Variants in SFMBT1 observed in about 807,000 individuals in gnomAD.
SFMBT1 encodes scm-like with four MBT domains protein 1.
SFMBT1 carries 32 observed loss-of-function variants against 108.7 expected under a neutral mutation model. That is an observed-to-expected ratio of 0.29 (90% CI 0.22 to 0.40). The LOEUF (loss-of-function observed/expected upper bound fraction) is 0.40. SFMBT1 is among the 10% of genes least tolerant of loss of function. The pLI is 1.00. For synonymous variants in SFMBT1, 348 were observed against 369.5 expected (o/e 0.94, Z 0.67); for missense variants, 816 against 1,059.6 (o/e 0.77, Z 3.19).
intron 6 of SFMBT1, among the ~76,000 whole-genome samples, chr3:52,931,732 G>A (rs2106796445): frequency 6.6e-6 from 1 of 152,022 alleles, no homozygotes; most frequent in Non-Finnish European, 1.5e-5. Context: ...CCTAGCTACT[G>A]GGGAGGCTGA....
intron 1 of SFMBT1, among the ~76,000 whole-genome samples, chr3:52,983,393 G>C (rs1466290393): frequency 6.6e-6 from 1 of 152,158 alleles, no homozygotes; most frequent in East Asian, 1.9e-4. Flanking sequence ...ATTGTGGTAA[G>C]GCTTCTGGTC....
intron 4 of SFMBT1, 98 bp downstream of exon 4, chr3:52,943,255 C>T: frequency 6.9e-7 from 1 of 1,455,318 alleles, no homozygotes; most frequent in Non-Finnish European, 9.4e-7. Context: ...GCTGGGTAAA[C>T]CTATATGCTC....
At chr3:52,923,196 C>T (rs1702566801) in intron 10 of SFMBT1, among the ~76,000 whole-genome samples, 1 of 152,130 alleles carries the variant, frequency 6.6e-6, no homozygotes, top group Non-Finnish European at 1.5e-5. Context: ...AAGAAAACTT[C>T]CCAAAAGGTG....
At chr3:53,020,828 G>A (rs145796283) in intron 1 of SFMBT1, among the ~76,000 whole-genome samples, 5 of 152,122 alleles carry the variant, frequency 3.3e-5, no homozygotes, top group Admixed American at 6.5e-5. Context: ...AGGCTTAGGC[G>A]GGCGGATCAC....
intron 1 of SFMBT1, among the ~76,000 whole-genome samples, chr3:52,970,087 C>A (rs1048891898): frequency 6.0e-5 from 9 of 151,230 alleles, no homozygotes; most frequent in Non-Finnish European, 1.3e-4. Context: ...GGTGACACAG[C>A]CAGACACTGT....
At chr3:53,018,565 C>T (rs1226487148) in intron 1 of SFMBT1, among the ~76,000 whole-genome samples, 1 of 152,144 alleles carries the variant, frequency 6.6e-6, no homozygotes, top group African/African-American at 2.4e-5. Context: ...CCCTTTGTGC[C>T]CTCCAAGCAC....
At chr3:52,913,727 T>A in intron 14 of SFMBT1, 110 bp from the exon 15 acceptor site, 6 of 1,182,678 alleles carry the variant, frequency 5.1e-6, no homozygotes, top group Non-Finnish European at 7.0e-6. Flanking sequence ...TATATTAATA[T>A]AAAGTTTGGA....
chr3:52,960,391 G>C (rs936173132), intron 2 of SFMBT1, among the ~76,000 whole-genome samples: 1 of 152,088 alleles, frequency 6.6e-6, no homozygotes, highest in African/African-American at 2.4e-5. Context: ...TGCATGAAAA[G>C]ATGTTCAACA....
intron 1 of SFMBT1, among the ~76,000 whole-genome samples, chr3:52,976,573 T>C (rs537719612): frequency 1.6e-4 from 25 of 152,258 alleles, no homozygotes; most frequent in African/African-American, 5.5e-4. Context: ...TGGAATAGCA[T>C]AGATTTCCTT....
intron 1 of SFMBT1, among the ~76,000 whole-genome samples, chr3:53,011,829 A>G (rs1698955014): frequency 2.0e-5 from 3 of 152,238 alleles, no homozygotes; most frequent in Non-Finnish European, 2.9e-5. Flanking sequence ...TGGCCACCCA[A>G]GTGAAGAAGT....
Position 52,906,051 on chromosome 3 carries a change from T to A in SFMBT1, c.2460+62A>T, listed in dbSNP as rs1702056485. 5 of 1,554,760 alleles carry A rather than the reference T, an allele frequency of 3.2e-6. No homozygotes were observed. In the East Asian group the frequency reaches 1.1e-4, roughly 35 times the overall value. On this transcript the variant is annotated intron_variant, in intron 20 of 20. Coordinates refer to ENST00000394752, the MANE Select transcript of SFMBT1 (RefSeq NM_016329.4). ...TAAAACTTGTAAATAAATTGTTGAC[T>A]ATTACATCCATAATTTATTGCTAAA... is the stretch of plus-strand genomic sequence containing the variant.
intron 4 of SFMBT1, among the ~76,000 whole-genome samples, chr3:52,935,361 A>C (rs1702975247): frequency 6.6e-6 from 1 of 152,242 alleles, no homozygotes; most frequent in African/African-American, 2.4e-5. Context: ...GTTTTACTGG[A>C]ACATGGCCAT....
intron 1 of SFMBT1, among the ~76,000 whole-genome samples, chr3:53,005,142 T>C (rs1415816787): frequency 2.0e-5 from 3 of 152,132 alleles, no homozygotes; most frequent in Admixed American, 2.0e-4. Flanking sequence ...TACATAAAAA[T>C]GGGAAATATA....
At chr3:52,958,056 C>T (rs558335874) in intron 2 of SFMBT1, among the ~76,000 whole-genome samples, 61 of 152,116 alleles carry the variant, frequency 4.0e-4, no homozygotes, top group Non-Finnish European at 6.6e-4. Context: ...TCTGTAATCT[C>T]TCCATCTGAC....
intron 1 of SFMBT1, among the ~76,000 whole-genome samples, chr3:52,980,014 T>C (rs1266981639): frequency 2.0e-5 from 3 of 152,168 alleles, no homozygotes; most frequent in Admixed American, 6.5e-5. Flanking sequence ...AGACAAACCA[T>C]GTAGCTTAAA....
rs545685028 is a variant in SFMBT1 at position 53,022,718 on chromosome 3, T to C, written c.-131+23098A>G. Among the ~76,000 whole-genome samples, 449 of 152,220 alleles carry C rather than the reference T, an allele frequency of 2.9e-3. 4 individuals are homozygous for C. The highest frequency in any genetic ancestry group is 0.01 in the African/African-American group (424 of 41,522). On this transcript the variant is annotated intron_variant, in intron 1 of 20. Coordinates refer to ENST00000394752, the MANE Select transcript of SFMBT1 (RefSeq NM_016329.4). Reference sequence around the variant, plus strand: ...GAGGTACCTAAAGTAGTAAATTTCATAGAACTGAAAAACAGAATGCTGGTT... The same window carrying C: ...GAGGTACCTAAAGTAGTAAATTTCACAGAACTGAAAAACAGAATGCTGGTT...
chr3:52,909,921 C>T (rs1375072689), intron 17 of SFMBT1, among the ~76,000 whole-genome samples: 4 of 152,126 alleles, frequency 2.6e-5, no homozygotes, highest in African/African-American at 9.7e-5. Context: ...TTCCACCTCC[C>T]CAACTAGTGT....
At chr3:53,019,899 C>T (rs568143140) in intron 1 of SFMBT1, among the ~76,000 whole-genome samples, 1 of 152,244 alleles carries the variant, frequency 6.6e-6, no homozygotes, top group South Asian at 2.1e-4. Flanking sequence ...GATCTGGTGT[C>T]CCCACTTACC....
chr3:52,928,609 CATATATATACATATATACATATAT>C (rs1702741014), intron 8 of SFMBT1: 4 of 75,530 alleles, frequency 5.3e-5, no homozygotes. Context: ...TACATATATA[CATATATATACATATATACATATAT>C]ATACATATAT....
Sources: allele counts gnomAD v4.1 joint callset (sites outside exome capture counted in the v4.1 genomes callset), GRCh38; gene constraint gnomAD v4.1.1; transcripts MANE v1.5; gene names NCBI Gene and HGNC (gene_info 2026-07-23, HGNC 2026-07-21).